RELL1: variants seen among roughly 807,000 people sequenced by gnomAD.
RELL1 encodes the protein RELT like 1.
A neutral mutation model predicts 23.0 loss-of-function variants in RELL1; 10 were observed. The ratio of observed to expected loss-of-function variants is 0.43; its 90% CI spans 0.27 to 0.74. The LOEUF (loss-of-function observed/expected upper bound fraction) is 0.74, where lower values mean the gene tolerates loss of function less well. RELL1 is among the 30% of genes least tolerant of loss of function. RELL1 has a pLI of 0.19. For missense variants in RELL1, 315 were observed against 364.4 expected, an observed-to-expected ratio of 0.86 and a Z score of 1.10; for synonymous variants, 146 against 146.8, an observed-to-expected ratio of 0.99 and a Z score of 0.04.
At chr4:37,621,942 A>C (rs952852339) in intron 6 of RELL1, among the ~76,000 whole-genome samples, 1 of 152,232 alleles carries the variant, frequency 6.6e-6, no homozygotes, top group African/African-American at 2.4e-5. Flanking sequence ...ACTTAGAAAA[A>C]ACATCATAGT....
At chr4:37,615,058 T>A (rs1037117837) in intron 6 of RELL1, among the ~76,000 whole-genome samples, 2 of 152,160 alleles carry the variant, frequency 1.3e-5, no homozygotes, top group Non-Finnish European at 2.9e-5. Flanking sequence ...CATTCTCTCC[T>A]AGGGTTACTG....
At chr4:37,590,218 G>T (rs756515937), downstream of RELL1, 2 of 1,614,096 alleles carry the variant, frequency 1.2e-6, no homozygotes, top group Admixed American at 1.7e-5. Context: ...GCAGAAAAAT[G>T]ACCCTCAGAG....
chr4:37,627,280 T>C (rs2109252579), intron 6 of RELL1, among the ~76,000 whole-genome samples: 1 of 152,228 alleles, frequency 6.6e-6, no homozygotes, highest in South Asian at 2.1e-4. Flanking sequence ...TTCAGAAACA[T>C]GCGACACAGA....
At chr4:37,647,577 T>C in intron 2 of RELL1, 138 bp from the exon 3 acceptor site, 1 of 591,478 alleles carries the variant, frequency 1.7e-6, no homozygotes, top group South Asian at 2.1e-5. Context: ...ATTCTAGGCT[T>C]TCTCCCTCCA....
At chr4:37,645,301 G>T (rs1306782278) in intron 3 of RELL1, among the ~76,000 whole-genome samples, 4 of 152,174 alleles carry the variant, frequency 2.6e-5, no homozygotes, top group African/African-American at 9.7e-5. Flanking sequence ...CAGTGAGGCG[G>T]TCATCCATGC....
intron 6 of RELL1, among the ~76,000 whole-genome samples, chr4:37,596,738 T>A (rs79578045): frequency 8.2e-3 from 151 of 18,406 alleles, no homozygotes; most frequent in East Asian, 0.028. Flanking sequence ...ATATATATAT[T>A]TTTTTTTTTT....
intron 2 of RELL1, among the ~76,000 whole-genome samples, chr4:37,648,596 GT>G (rs895589269): frequency 5.3e-5 from 8 of 152,198 alleles, no homozygotes; most frequent in Admixed American, 5.2e-4. Flanking sequence ...CGTCTCCCCG[GT>G]TTTTCTAAAC....
At chr4:37,652,590 G>A (rs1352912505) in intron 1 of RELL1, among the ~76,000 whole-genome samples, 1 of 152,154 alleles carries the variant, frequency 6.6e-6, no homozygotes, top group Admixed American at 6.5e-5. Context: ...ATCTGGGGGT[G>A]AAAATAAATT....
chr4:37,659,643 G>A (rs980545118), intron 1 of RELL1, among the ~76,000 whole-genome samples: 1 of 152,068 alleles, frequency 6.6e-6, no homozygotes, highest in African/African-American at 2.4e-5. Context: ...ACCTCCCTGG[G>A]CCTCAGTTTC....
intron 1 of RELL1, among the ~76,000 whole-genome samples, chr4:37,669,430 G>A (rs868078260): frequency 6.0e-5 from 9 of 150,018 alleles, no homozygotes; most frequent in African/African-American, 9.9e-5. Context: ...CCCCCCACCC[G>A]GCCAGCCACC....
intron 1 of RELL1, among the ~76,000 whole-genome samples, chr4:37,664,397 TATAACTACTTCATCTCCCTCTATAA>T (rs2109301184): frequency 6.6e-6 from 1 of 151,910 alleles, no homozygotes; most frequent in South Asian, 2.1e-4. Flanking sequence ...ATCACTCATG[TATAACTACTTCATCTCCCTCTATAA>T]CTATCATAAA....
At chr4:37,607,554 G>T (rs1170167002), downstream of RELL1, among the ~76,000 whole-genome samples, 1 of 150,538 alleles carries the variant, frequency 6.6e-6, no homozygotes, top group Non-Finnish European at 1.5e-5. Context: ...AGTCGAGAAG[G>T]TCCATCAGCA....
chr4:37,683,080 C>T (rs1722276408), intron 1 of RELL1, among the ~76,000 whole-genome samples: 1 of 152,158 alleles, frequency 6.6e-6, no homozygotes, highest in African/African-American at 2.4e-5. Context: ...AAGGCATTGC[C>T]ACTACCCACC....
rs748227912 is a variant in RELL1, at chr4:37,631,473, C to T, written c.731G>A (p.Ser244Asn). 11 of 1,614,044 alleles carry T rather than the reference C, an allele frequency of 6.8e-6. No individual in the cohort carries two copies. Among genetic ancestry groups the T allele is most frequent in the Non-Finnish European group, 9.3e-6 (11 of 1,180,020 alleles). Residue 244 changes from serine (S) to asparagine (N), a missense_variant, in exon 6 of 7, where the codon AGC (serine) becomes AAC (asparagine). Transcript: ENST00000454158. ...EHKSNQKERRSLMSVSGAETV... is the reference protein window; with the variant it reads ...EHKSNQKERRNLMSVSGAETV... ...TTCAGCCCCACTAACAGACATCAGG[C>T]TTCTCCGTTCCTTCTGGTTTGACTT...
intron 6 of RELL1, chr4:37,622,727 T>C (rs565108230): frequency 9.1e-6 from 4 of 440,924 alleles, no homozygotes; most frequent in African/African-American, 2.1e-5. Flanking sequence ...TGGTCTTCAT[T>C]GTCTGTCTGA....
chr4:37,648,589 C>T (rs975876370), intron 2 of RELL1, among the ~76,000 whole-genome samples: 2 of 152,224 alleles, frequency 1.3e-5, no homozygotes, highest in African/African-American at 4.8e-5. Context: ...AGGATTTCGT[C>T]TCCCCGGTTT....
intron 1 of RELL1, among the ~76,000 whole-genome samples, chr4:37,668,828 C>T (rs537109392): frequency 6.8e-6 from 1 of 147,792 alleles, no homozygotes; most frequent in South Asian, 2.1e-4. Flanking sequence ...TCTCCCCGGC[C>T]GCCCATCGTC....
intron 1 of RELL1, among the ~76,000 whole-genome samples, chr4:37,684,810 G>A (rs182741077): frequency 1.1e-3 from 170 of 152,238 alleles, no homozygotes; most frequent in African/African-American, 4.0e-3. Context: ...AAAATTAGCC[G>A]GGCATGGTGG....
At chr4:37,633,498 C>G (rs1399088363) in intron 5 of RELL1, among the ~76,000 whole-genome samples, 1 of 129,846 alleles carries the variant, frequency 7.7e-6, no homozygotes, top group Non-Finnish European at 1.7e-5. Flanking sequence ...TTAAGGCCAA[C>G]AAAACATGCT....
Sources: gnomAD v4.1 joint callset for allele counts (sites outside exome capture counted in the v4.1 genomes callset) on GRCh38, gnomAD v4.1.1 for gene constraint, MANE v1.5 for transcripts, NCBI Gene and HGNC (gene_info 2026-07-23, HGNC 2026-07-21) for gene names.